The following PUM1 variants were observed in gnomAD, a reference collection of about 807,000 sequenced individuals.
PUM1 encodes pumilio homolog 1.
A neutral mutation model predicts 131.8 loss-of-function variants in PUM1; 13 were observed. The observed-to-expected ratio is 0.10, with a 90% CI of 0.06 to 0.16. The LOEUF (loss-of-function observed/expected upper bound fraction) is 0.16. Ranked by LOEUF, PUM1 falls within the 10% of genes least tolerant of loss-of-function variation. The pLI is 1.00. For missense variants in PUM1, 961 were observed against 1,512.4 expected, an observed-to-expected ratio of 0.64 and a Z score of 6.05; for synonymous variants, 509 against 556.5, an observed-to-expected ratio of 0.91 and a Z score of 1.20.
In PUM1 at chr1:30,964,761, T is replaced by G. The variant is rs370877118; in HGVS notation, c.2236A>C (p.Met746Leu). 9.3e-6 allele frequency: 15 copies of G among 1,613,966 alleles called. No individual in the cohort carries two copies. The highest frequency in any genetic ancestry group is 1.3e-5 in the Non-Finnish European group (15 of 1,180,004). The change falls in exon 14 of 22, where the codon ATG becomes CTG. Residue 746 changes from methionine (M) to leucine (L), a missense_variant. By Grantham distance (15) the Met-to-Leu change is conservative. Coordinates refer to ENST00000426105, the MANE Select transcript of PUM1 (RefSeq NM_001020658.2). ...CCTGGTCCCTGACTAGGGAGAGGCA[T>G]GCCCACGGGTCCAGGAGAGGAGGAA... ...SFSSSPGPVG[M>L]PLPSQGPGHS...
intron 6 of PUM1, among the ~76,000 whole-genome samples, chr1:30,994,770 T>C (rs1180692719): frequency 6.6e-6 from 1 of 152,248 alleles, no homozygotes; most frequent in African/African-American, 2.4e-5. Flanking sequence ...TTTTAATATC[T>C]GAGAATCACT....
At chr1:30,944,375 G>A (rs983172732) in intron 18 of PUM1, among the ~76,000 whole-genome samples, 3 of 152,134 alleles carry the variant, frequency 2.0e-5, no homozygotes, top group Non-Finnish European at 2.9e-5. Flanking sequence ...TTAGGAGACT[G>A]TAAGGACTTT....
chr1:30,951,751 C>T (rs1639944106), intron 16 of PUM1, among the ~76,000 whole-genome samples: 1 of 152,180 alleles, frequency 6.6e-6, no homozygotes, highest in African/African-American at 2.4e-5. Flanking sequence ...AACAAGAAAT[C>T]AAGGCCAAAC....
chr1:30,968,113 C>T, intron 11 of PUM1: 1 of 677,380 alleles, frequency 1.5e-6, no homozygotes, highest in Non-Finnish European at 2.8e-6. Context: ...CAAGGAAAAA[C>T]CACATATTCC....
chr1:31,054,952 A>G (rs1222743575), intron 2 of PUM1, among the ~76,000 whole-genome samples: 2 of 152,180 alleles, frequency 1.3e-5, no homozygotes, highest in African/African-American at 4.8e-5. Context: ...ACCAGGTATT[A>G]CCTGGTAACA....
chr1:30,965,046 TG>T, intron 13 of PUM1, 136 bp from the exon 14 acceptor site: 1 of 672,042 alleles, frequency 1.5e-6, no homozygotes, highest in Non-Finnish European at 2.6e-6. Flanking sequence ...TAACTGTTAA[TG>T]TAGCAGTACT....
chr1:30,997,974 C>A (rs992044588), intron 5 of PUM1, among the ~76,000 whole-genome samples: 5 of 151,348 alleles, frequency 3.3e-5, no homozygotes, highest in Admixed American at 6.6e-5. Flanking sequence ...CAATGTGTTG[C>A]ATTTTACCAA....
intron 2 of PUM1, among the ~76,000 whole-genome samples, chr1:31,053,951 G>A (rs1325159989): frequency 4.0e-5 from 6 of 151,852 alleles, no homozygotes; most frequent in East Asian, 1.9e-4. Context: ...AAAATTAGCC[G>A]GGCGTGGTGG....
intron 14 of PUM1, among the ~76,000 whole-genome samples, chr1:30,956,641 G>A (rs963693128): frequency 3.9e-5 from 6 of 152,186 alleles, no homozygotes; most frequent in African/African-American, 1.4e-4. Context: ...CAAAGAGGTG[G>A]TAACAGGGTA....
chr1:30,950,194 A>G lies in PUM1; in HGVS notation c.2789T>C (p.Leu930Pro). 6.2e-7 allele frequency: 1 copy of G among 1,614,170 alleles called. No individual in the cohort carries two copies. The highest frequency in any genetic ancestry group is 8.5e-7 in the Non-Finnish European group (1 of 1,179,992). ...GATAACACGGCAGCCATACATCTGT[A>G]GTGCCAATGACAGGACGTGGCCTCG... ...RIRGHVLSLA[L>P]QMYGCRVIQK... The change falls in exon 17 of 22, where the codon CTA becomes CCA. Residue 930 changes from leucine (L) to proline (P), a missense_variant. Leu to Pro is a moderately conservative substitution (Grantham distance 98). Coordinates refer to ENST00000426105, the MANE Select transcript of PUM1 (RefSeq NM_001020658.2).
Position 30,993,160 on chromosome 1 carries a change from G to C in PUM1, c.888-500C>G, listed in dbSNP as rs531266235. On this transcript the variant is annotated intron_variant, in intron 6 of 21. Transcript: ENST00000426105. ...TGAAAAAAGTTTTTACATGTCGTTG[G>C]TATTACTGACCAATGTTAAAACTAA... 3.3e-5 allele frequency among the ~76,000 whole-genome samples: 5 copies of C among 152,134 alleles called. No homozygotes were observed. In the East Asian group the frequency reaches 9.6e-4, roughly 29 times the overall value.
rs1425358307 is a variant in PUM1, at chr1:30,941,643, GGTA to G, written c.3120+352_3120+354del. 2.6e-5 allele frequency among the ~76,000 whole-genome samples: 4 copies of G among 152,028 alleles called. No individual in the cohort carries two copies. The East Asian group carries it at 7.7e-4, about 29-fold the overall frequency. ...GGGCATACCTAATTATTTAATCAGT[GGTA>G]TAAGCAGAGAATGTATCAAAGCTAA... On this transcript the variant is annotated intron_variant, in intron 19 of 21. Transcript: ENST00000426105.
chr1:30,986,975 C>G (rs1378978591), intron 7 of PUM1, among the ~76,000 whole-genome samples: 1 of 152,182 alleles, frequency 6.6e-6, no homozygotes, highest in Non-Finnish European at 1.5e-5. Flanking sequence ...GAATACCATA[C>G]TTCAACTTTC....
intron 5 of PUM1, among the ~76,000 whole-genome samples, chr1:30,996,054 C>T (rs2124491712): frequency 6.6e-6 from 1 of 152,220 alleles, no homozygotes; most frequent in East Asian, 1.9e-4. Flanking sequence ...CAAGTTAAGC[C>T]CTGGACATAT....
chr1:30,987,273 T>G (rs1641599753), intron 7 of PUM1, among the ~76,000 whole-genome samples: 1 of 151,700 alleles, frequency 6.6e-6, no homozygotes, highest in Admixed American at 6.6e-5. Flanking sequence ...CTCAGCTCAC[T>G]GCAACCTCCG....
chr1:30,972,377 G>C, intron 10 of PUM1, among the ~76,000 whole-genome samples: 8 of 38 alleles, frequency 0.21, 4 homozygotes, highest in Non-Finnish European at 0.27. Flanking sequence ...GGGAGGGGAG[G>C]GGAGGGGAGG....
At chr1:31,009,134 G>T (rs1642501687) in intron 3 of PUM1, among the ~76,000 whole-genome samples, 1 of 150,808 alleles carries the variant, frequency 6.6e-6, no homozygotes, top group Admixed American at 6.6e-5. Flanking sequence ...GGTGAGCTAA[G>T]ATCATGCCAC....
rs530083585 is a variant in PUM1 at position 30,972,212 on chromosome 1, G to A, written c.1506+2439C>T. 1.1e-4 allele frequency among the ~76,000 whole-genome samples: 16 copies of A among 142,012 alleles called. No individual in the cohort carries two copies. The South Asian group carries it at 2.1e-3, about 19-fold the overall frequency. The allele number at this position is 142,012 out of a possible 152,430, so 93.2% of individuals were successfully genotyped here. On this transcript the variant is annotated intron_variant, in intron 10 of 21. Coordinates refer to ENST00000426105, the MANE Select transcript of PUM1 (RefSeq NM_001020658.2). ...GAAGGTTGCAGTGAGCAAACTTGGC[G>A]CCACTGCACTCCAGGCTGGAAGACA... is the stretch of plus-strand genomic sequence containing the variant.
intron 15 of PUM1, among the ~76,000 whole-genome samples, chr1:30,952,929 T>C (rs975089054): frequency 6.6e-6 from 1 of 151,934 alleles, no homozygotes; most frequent in Non-Finnish European, 1.5e-5. Flanking sequence ...TGAGCCAAGA[T>C]TGCGCCACTG....
Sources: gnomAD v4.1 joint callset for allele counts (sites outside exome capture counted in the v4.1 genomes callset) on GRCh38, gnomAD v4.1.1 for gene constraint, MANE v1.5 for transcripts, NCBI Gene and HGNC (gene_info 2026-07-23, HGNC 2026-07-21) for gene names.